The following INPP5F variants were observed in gnomAD, a reference collection of about 807,000 sequenced individuals.
INPP5F encodes phosphatidylinositide 4-phosphatase SAC2.
In INPP5F, 97 loss-of-function variants were observed where a neutral mutation model predicts 137.2. The observed-to-expected ratio is 0.71, with a 90% CI of 0.60 to 0.84. INPP5F has a LOEUF of 0.84. INPP5F is among the 40% of genes least tolerant of loss of function. The pLI, the probability that INPP5F is intolerant of heterozygous loss-of-function variation, is 0.00. For synonymous variants in INPP5F, 504 were observed against 476.9 expected (o/e 1.06, Z -0.74); for missense variants, 1,271 against 1,371.9 (o/e 0.93, Z 1.16).
rs1304244998 is a variant in INPP5F at position 119,807,948 on chromosome 10, T to C, written c.1457T>C (p.Val486Ala). 5 of 1,611,430 alleles carry C rather than the reference T, an allele frequency of 3.1e-6. No homozygotes were observed. The highest frequency in any genetic ancestry group is 1.3e-5 in the African/African-American group (1 of 74,850). The change falls in exon 13 of 20, where the codon GTG (valine) becomes GCG (alanine). Residue 486 changes from valine to alanine, a missense_variant. Val to Ala is a moderately conservative substitution (Grantham distance 64). Transcript: ENST00000650623. Reference sequence around the variant, plus strand: ...TCATTTTAGCTGAAAAAATTAGGTGTGATGCCCCCGGAACAGCCATTACCT... The same window carrying C: ...TCATTTTAGCTGAAAAAATTAGGTGCGATGCCCCCGGAACAGCCATTACCT... Reference protein sequence around the residue: ...VMEQQLKKLGVMPPEQPLPVK... With the variant: ...VMEQQLKKLGAMPPEQPLPVK...
At chr10:119,765,777 GTGTGTGTA>G (rs1482811567) in intron 2 of INPP5F, among the ~76,000 whole-genome samples, 78 of 146,632 alleles carry the variant, frequency 5.3e-4, no homozygotes, top group African/African-American at 1.7e-3. Context: ...GTGTGTGTGT[GTGTGTGTA>G]TAGTGTATAT....
intron 2 of INPP5F, among the ~76,000 whole-genome samples, chr10:119,756,203 A>G (rs753185711): frequency 1.3e-4 from 19 of 151,696 alleles, no homozygotes; most frequent in Non-Finnish European, 1.8e-4. Flanking sequence ...GCTGATTACT[A>G]TTTTTTTTCC....
intron 6 of INPP5F, among the ~76,000 whole-genome samples, chr10:119,794,708 C>T (rs1289637488): frequency 2.0e-5 from 3 of 146,928 alleles, no homozygotes; most frequent in African/African-American, 7.6e-5. Context: ...TGACCCCCCA[C>T]CTCCCTCCCG....
At chr10:119,770,759 C>T (rs1849309391) in intron 2 of INPP5F, among the ~76,000 whole-genome samples, 1 of 152,250 alleles carries the variant, frequency 6.6e-6, no homozygotes, top group South Asian at 2.1e-4. Flanking sequence ...GAACACTATT[C>T]CAGACACCTA....
chr10:119,726,111 T>A lies in INPP5F; in HGVS notation c.-152T>A. The stretch of plus-strand genomic sequence containing the variant: ...CCGGGGCGCGTTCTCCTCCTACCGG[T>A]CGGGTGCCCCGGGGCGTTCCCTCTG... On this transcript the variant is annotated 5_prime_UTR_variant, in exon 1 of 20. Transcript: ENST00000650623. The A allele has an allele frequency of 2.5e-6, 1 of 399,902 alleles. No homozygotes were observed. The highest frequency in any genetic ancestry group is 4.3e-6 in the Non-Finnish European group (1 of 232,268). The allele number at this position is 399,902 out of a possible 1,614,324, so 24.8% of individuals were successfully genotyped here. A position where few individuals can be genotyped will look rare whatever the true frequency, so the allele number is the denominator to read the frequency against.
rs201322589 is a variant in INPP5F at position 119,826,756 on chromosome 10, A to C, written c.2375A>C (p.Lys792Thr). 1 of 1,613,934 alleles carries C rather than the reference A, an allele frequency of 6.2e-7. No individual in the cohort carries two copies. The highest frequency in any genetic ancestry group is 2.2e-5 in the East Asian group (1 of 44,880). The change falls in exon 20 of 20, where the codon AAA (lysine) becomes ACA (threonine). Residue 792 changes from lysine to threonine, a missense_variant. Transcript: ENST00000650623. ...CTAAATCAAAAAGTGAAGCAGACCA[A>C]ATCCAATGTAAATATTGGCAACCTC... The part of the protein sequence containing the change: ...SSLNQKVKQT[K>T]SNVNIGNLRK...
chr10:119,752,894 T>C (rs1178287756), intron 2 of INPP5F, among the ~76,000 whole-genome samples: 1 of 152,088 alleles, frequency 6.6e-6, no homozygotes, highest in African/African-American at 2.4e-5. Flanking sequence ...TATGAATATA[T>C]TGTGATTTGT....
chr10:119,819,643 A>G (rs1306259799), intron 15 of INPP5F: 4 of 859,086 alleles, frequency 4.7e-6, no homozygotes, highest in African/African-American at 3.4e-5. Context: ...TAATTGGTTA[A>G]TGCTCAGATT....
chr10:119,745,339 T>A (rs1276516297), intron 1 of INPP5F, among the ~76,000 whole-genome samples: 2 of 151,918 alleles, frequency 1.3e-5, no homozygotes, highest in Non-Finnish European at 2.9e-5. Flanking sequence ...TTTAAATCTT[T>A]TTTTGTTATT....
chr10:119,797,014 C>A, intron 7 of INPP5F, 101 bp downstream of exon 7: 2 of 1,175,278 alleles, frequency 1.7e-6, no homozygotes, highest in Non-Finnish European at 2.5e-6. Context: ...TTTGGGAACA[C>A]AGTTGGCTTC....
At chr10:119,792,649 A>G (rs1850189624) in intron 6 of INPP5F, among the ~76,000 whole-genome samples, 1 of 148,142 alleles carries the variant, frequency 6.8e-6, no homozygotes. Context: ...CTCTGAGGCC[A>G]TTGCTGTACT....
At chr10:119,802,018 C>T (rs1163050825) in intron 9 of INPP5F, among the ~76,000 whole-genome samples, 1 of 152,142 alleles carries the variant, frequency 6.6e-6, no homozygotes, top group African/African-American at 2.4e-5. Flanking sequence ...GGCCCACAGT[C>T]GGTCTGACTC....
chr10:119,766,772 A>G (rs1849177189), intron 2 of INPP5F, among the ~76,000 whole-genome samples: 1 of 150,236 alleles, frequency 6.7e-6, no homozygotes, highest in South Asian at 2.3e-4. Context: ...ACAAATAAAA[A>G]CAGAGAATTT....
At chr10:119,779,194 A>G (rs1398190505) in intron 2 of INPP5F, among the ~76,000 whole-genome samples, 4 of 152,120 alleles carry the variant, frequency 2.6e-5, no homozygotes, top group Non-Finnish European at 4.4e-5. Context: ...TACAGTAAAA[A>G]TACTGTACAA....
At chr10:119,737,580 C>A (rs1848253032) in intron 1 of INPP5F, among the ~76,000 whole-genome samples, 1 of 152,192 alleles carries the variant, frequency 6.6e-6, no homozygotes. Context: ...TGGGAAATCA[C>A]CAGCTGCTAG....
Position 119,791,877 on chromosome 10 carries a change from A to G in INPP5F, c.453A>G (p.Glu151=), listed in dbSNP as rs1836453112. ...VSAPNKKKVK[E]SKEKEKLERR... is the part of the protein sequence containing the mutation. ...AGATTAATTTCTTATAGGTTAAGGA[A>G]AGTAAAGAGAAGGAGAAGTTGGAGA... is the stretch of plus-strand genomic sequence containing the variant. Residue 151 remains glutamate, a synonymous_variant, in exon 5 of 20, where the codon GAA becomes GAG. Coordinates refer to ENST00000650623, the MANE Select transcript of INPP5F (RefSeq NM_014937.4). The G allele has an allele frequency of 2.5e-6, 4 of 1,603,766 alleles. No homozygotes were observed. Among genetic ancestry groups the G allele is most frequent in the Non-Finnish European group, 3.4e-6 (4 of 1,173,636 alleles).
At chr10:119,794,106 G>T (rs1320690288) in intron 6 of INPP5F, among the ~76,000 whole-genome samples, 1 of 152,044 alleles carries the variant, frequency 6.6e-6, no homozygotes, top group Non-Finnish European at 1.5e-5. Context: ...GTGGAGGGAA[G>T]GTCAGCAGAT....
At chr10:119,796,983 A>G in intron 7 of INPP5F, 70 bp downstream of exon 7, 1 of 1,342,884 alleles carries the variant, frequency 7.4e-7, no homozygotes. Flanking sequence ...GATGTGTTGA[A>G]ATGCTAATGA....
At chr10:119,778,499 A>G (rs904880938) in intron 2 of INPP5F, among the ~76,000 whole-genome samples, 1 of 152,128 alleles carries the variant, frequency 6.6e-6, no homozygotes, top group African/African-American at 2.4e-5. Flanking sequence ...TTGTTTAATT[A>G]AAAATCTCTT....
Sources: gnomAD v4.1 joint callset for allele counts (sites outside exome capture counted in the v4.1 genomes callset) on GRCh38, gnomAD v4.1.1 for gene constraint, MANE v1.5 for transcripts, NCBI Gene and HGNC (gene_info 2026-07-23, HGNC 2026-07-21) for gene names.